Variants in MKLN1 observed in about 807,000 individuals in gnomAD.
The protein encoded by MKLN1 is muskelin.
Under a neutral mutation model 99.0 loss-of-function variants are expected in MKLN1, and 18 were observed. The ratio of observed to expected loss-of-function variants is 0.18; its 90% CI spans 0.13 to 0.27. The LOEUF (loss-of-function observed/expected upper bound fraction) is 0.27, where lower values mean the gene tolerates loss of function less well. Among genes scored for constraint, MKLN1 ranks in the 10% least tolerant of loss-of-function variants. MKLN1 has a pLI of 1.00. For missense variants in MKLN1, 621 were observed against 875.9 expected (o/e 0.71, Z 3.67); for synonymous variants, 288 against 293.2 (o/e 0.98, Z 0.18).
At chr7:131,412,047 A>G (rs933075340) in intron 7 of MKLN1, among the ~76,000 whole-genome samples, 2 of 151,688 alleles carry the variant, frequency 1.3e-5, no homozygotes, top group Admixed American at 1.3e-4. Context: ...TGTTCATACC[A>G]CTGCACTTCA....
chr7:131,483,872 G>C (rs1204498687), intron 17 of MKLN1, among the ~76,000 whole-genome samples: 3 of 152,192 alleles, frequency 2.0e-5, no homozygotes, highest in African/African-American at 7.2e-5. Context: ...AATACCACAA[G>C]TATTGGTTTG....
At chr7:131,151,664 C>A (rs1415200657) in intron 2 of MKLN1, among the ~76,000 whole-genome samples, 1 of 151,930 alleles carries the variant, frequency 6.6e-6, no homozygotes, top group Non-Finnish European at 1.5e-5. Context: ...AGTTGAATTG[C>A]AGAAATGGCA....
At chr7:131,118,922 G>C (rs1000815682) in intron 1 of MKLN1, among the ~76,000 whole-genome samples, 2 of 152,152 alleles carry the variant, frequency 1.3e-5, no homozygotes, top group African/African-American at 4.8e-5. Context: ...TGAGGACACA[G>C]AGCCAAACCA....
At chr7:131,411,765 G>A (rs1794881913) in intron 7 of MKLN1, among the ~76,000 whole-genome samples, 1 of 151,840 alleles carries the variant, frequency 6.6e-6, no homozygotes, top group Non-Finnish European at 1.5e-5. Flanking sequence ...AAATTAGCTG[G>A]GCGTGATGGT....
intron 3 of MKLN1, among the ~76,000 whole-genome samples, chr7:131,321,589 A>T (rs1453976420): frequency 6.6e-6 from 1 of 151,966 alleles, no homozygotes; most frequent in Non-Finnish European, 1.5e-5. Context: ...AGTAAAATTT[A>T]AAAAAAATAA....
Position 131,495,901 on chromosome 7 carries a change from G to C in MKLN1, c.*8173G>C, listed in dbSNP as rs1260058090. 2.0e-5 allele frequency: 3 copies of C among 152,122 alleles called. No homozygotes were observed. Among genetic ancestry groups the C allele is most frequent in the African/African-American group, 7.2e-5 (3 of 41,420 alleles). 9.4% of individuals were successfully genotyped at this position (152,122 alleles called of 1,614,324 possible). A position where few individuals can be genotyped will look rare whatever the true frequency, so the allele number is the denominator to read the frequency against. ...CATATGGAGCATATTCATACCATGA[G>C]GAGGAGTCTTTGTTTATGATGGACT... On this transcript the variant is annotated 3_prime_UTR_variant, in exon 18 of 18. Transcript: ENST00000352689.
At chr7:131,374,421 A>G (rs1793571970) in intron 1 of MKLN1, among the ~76,000 whole-genome samples, 1 of 152,120 alleles carries the variant, frequency 6.6e-6, no homozygotes, top group Non-Finnish European at 1.5e-5. Flanking sequence ...ACAAGTTTGC[A>G]CTGATGTCAC....
At chr7:131,443,382 G>T (rs1363256075) in intron 10 of MKLN1, 99 bp from the exon 11 acceptor site, 1 of 814,586 alleles carries the variant, frequency 1.2e-6, no homozygotes, top group Admixed American at 2.1e-5. Context: ...CAAAGTTTAG[G>T]GTTTTTTTGA....
chr7:131,462,991 G>A (rs1796560104), intron 12 of MKLN1, among the ~76,000 whole-genome samples: 1 of 152,062 alleles, frequency 6.6e-6, no homozygotes, highest in South Asian at 2.1e-4. Context: ...GTGTGGTGGT[G>A]CATGCTTGTA....
chr7:131,179,861 A>G (rs1452357713), intron 2 of MKLN1, among the ~76,000 whole-genome samples: 1 of 151,864 alleles, frequency 6.6e-6, no homozygotes, highest in African/African-American at 2.4e-5. Flanking sequence ...GGCATGAGCC[A>G]CTGCACCTGG....
chr7:131,294,713 G>A (rs1436976892), intron 3 of MKLN1, among the ~76,000 whole-genome samples: 1 of 152,178 alleles, frequency 6.6e-6, no homozygotes, highest in Non-Finnish European at 1.5e-5. Flanking sequence ...CCTTTCCCTT[G>A]TGTAACATTC....
chr7:131,245,948 A>G (rs947429188), intron 3 of MKLN1, among the ~76,000 whole-genome samples: 1 of 152,220 alleles, frequency 6.6e-6, no homozygotes, highest in African/African-American at 2.4e-5. Flanking sequence ...CTTTTGTTCA[A>G]TGGGCAGATG....
intron 12 of MKLN1, among the ~76,000 whole-genome samples, chr7:131,446,679 A>G (rs1796027904): frequency 6.6e-6 from 1 of 152,252 alleles, no homozygotes; most frequent in Non-Finnish European, 1.5e-5. Context: ...ATTGATTAAT[A>G]CAAGCTTCCT....
At chr7:131,201,058 TGCC>T (rs964355953) in intron 2 of MKLN1, among the ~76,000 whole-genome samples, 23 of 152,322 alleles carry the variant, frequency 1.5e-4, no homozygotes, top group Admixed American at 1.5e-3. Context: ...CTTGCTCTGT[TGCC>T]CAGGCTGATG....
intron 1 of MKLN1, among the ~76,000 whole-genome samples, chr7:131,137,058 G>A (rs1038934293): frequency 6.6e-6 from 1 of 152,116 alleles, no homozygotes; most frequent in Non-Finnish European, 1.5e-5. Context: ...TCCCTGTGTT[G>A]CCCAGGCTGG....
intron 3 of MKLN1, among the ~76,000 whole-genome samples, chr7:131,236,045 G>T (rs1391819446): frequency 6.6e-6 from 1 of 152,200 alleles, no homozygotes; most frequent in Non-Finnish European, 1.5e-5. Flanking sequence ...TCTAGGGTGA[G>T]AGGTGGATCC....
intron 2 of MKLN1, among the ~76,000 whole-genome samples, chr7:131,379,864 A>G (rs1172826931): frequency 1.3e-5 from 2 of 152,146 alleles, no homozygotes; most frequent in Non-Finnish European, 1.5e-5. Context: ...TTTTTTTCAA[A>G]AGTGATGGGG....
At chr7:131,401,651 A>C (rs1420206120) in intron 6 of MKLN1, among the ~76,000 whole-genome samples, 1 of 152,084 alleles carries the variant, frequency 6.6e-6, no homozygotes, top group Non-Finnish European at 1.5e-5. Context: ...GTAGTTGTTA[A>C]TTATAGGCAT....
At chr7:131,140,846 C>T (rs975175333) in intron 1 of MKLN1, among the ~76,000 whole-genome samples, 13 of 151,736 alleles carry the variant, frequency 8.6e-5, no homozygotes, top group Non-Finnish European at 1.2e-4. Flanking sequence ...GTGGCACGAT[C>T]TTGGCTCACT....
Sources: gnomAD v4.1 joint callset for allele counts (sites outside exome capture counted in the v4.1 genomes callset) on GRCh38, gnomAD v4.1.1 for gene constraint, MANE v1.5 for transcripts, NCBI Gene and HGNC (gene_info 2026-07-23, HGNC 2026-07-21) for gene names.